EVC2: variants seen among roughly 807,000 people sequenced by gnomAD.
EVC2 encodes EvC ciliary complex subunit 2.
A neutral mutation model predicts 149.3 loss-of-function variants in EVC2; 148 were observed. The observed-to-expected ratio is 0.99, with a 90% CI of 0.87 to 1.14. EVC2 has a LOEUF of 1.14. EVC2 is among the 50% of genes most tolerant of loss of function. The pLI, the probability that EVC2 is intolerant of heterozygous loss-of-function variation, is 0.00. For missense variants in EVC2, 1,854 were observed against 1,627.3 expected (o/e 1.14, Z -2.40); for synonymous variants, 776 against 649.9 (o/e 1.19, Z -2.95).
intron 16 of EVC2, among the ~76,000 whole-genome samples, chr4:5,610,668 C>T (rs1170859943): frequency 2.0e-5 from 3 of 152,164 alleles, no homozygotes; most frequent in African/African-American, 7.2e-5. Flanking sequence ...ACCTCCCCAT[C>T]CCTTGAAGGC....
chr4:5,529,475 G>C, the EVC2 span, among the ~76,000 whole-genome samples: 1 of 152,276 alleles, frequency 6.6e-6, no homozygotes, highest in East Asian at 1.9e-4. The surrounding 1 kb of genome is among the most constrained non-coding windows in gnomAD (Gnocchi z 4.5). Flanking sequence ...ACCCAACTAT[G>C]AAGTTTTATA....
At chr4:5,579,993 C>T (rs1395085999) in intron 17 of EVC2, among the ~76,000 whole-genome samples, 2 of 152,230 alleles carry the variant, frequency 1.3e-5, no homozygotes, top group African/African-American at 4.8e-5. Flanking sequence ...ATTTGCCTAT[C>T]ATTGTCACTT....
the EVC2 span, among the ~76,000 whole-genome samples, chr4:5,537,625 G>C: frequency 6.6e-6 from 1 of 152,104 alleles, no homozygotes; most frequent in African/African-American, 2.4e-5. Context: ...ATAGTTACAA[G>C]AATACAAAGT....
At chr4:5,591,431 C>T (rs1295790917) in intron 16 of EVC2, among the ~76,000 whole-genome samples, 1 of 151,922 alleles carries the variant, frequency 6.6e-6, no homozygotes. Flanking sequence ...AGGGTTTTCA[C>T]GTTATCCTTG....
At chr4:5,671,770 A>G (rs1719665991) in intron 7 of EVC2, among the ~76,000 whole-genome samples, 1 of 152,204 alleles carries the variant, frequency 6.6e-6, no homozygotes, top group Non-Finnish European at 1.5e-5. Flanking sequence ...TCGGCCTCCC[A>G]AAGTGTTGGG....
Position 5,584,783 on chromosome 4 carries a change from G to A in EVC2, c.2897C>T (p.Ser966Leu), listed in dbSNP as rs145425340. 154 of 1,614,146 alleles carry A rather than the reference G, an allele frequency of 9.5e-5. 1 individual carries two copies. The African/African-American group carries it at 1.7e-3, about 18-fold the overall frequency. ...MEAQEGGFAQSLVALQFQKAS... is the reference protein window; with the variant it reads ...MEAQEGGFAQLLVALQFQKAS... ...CTTCTGGAACTGCAGAGCAACAAGC[G>A]ACTGTGCAAAGCCTCCCTCCTGTGC... The change falls in exon 17 of 22, where the codon TCG (serine) becomes TTG (leucine). Residue 966 changes from serine (S) to leucine (L), a missense_variant. Transcript: ENST00000344408.
At position 5,701,474 on chromosome 4, in the gene EVC2, G is replaced by C. The variant is rs143210167; in HGVS notation, c.229-3827C>G. Among the ~76,000 whole-genome samples the C allele has an allele frequency of 3.3e-3, 506 of 152,122 alleles. 4 individuals are homozygous for C. The highest frequency in any genetic ancestry group is 0.012 in the African/African-American group (479 of 41,502). Reference sequence around the variant, plus strand: ...GAAATGCTCTCCACCCTTGACCTTCGGGTCACATTCCTGGTTCCCTTTTAC... The same window carrying C: ...GAAATGCTCTCCACCCTTGACCTTCCGGTCACATTCCTGGTTCCCTTTTAC... On this transcript the variant is annotated intron_variant, in intron 1 of 21. Coordinates refer to ENST00000344408, the MANE Select transcript of EVC2 (RefSeq NM_147127.5).
chr4:5,577,976 C>G (rs1723035593), intron 17 of EVC2, among the ~76,000 whole-genome samples: 1 of 152,154 alleles, frequency 6.6e-6, no homozygotes, highest in Non-Finnish European at 1.5e-5. Context: ...TCTGTGTCAT[C>G]AGAGGAACGG....
At chr4:5,556,275 T>G (rs184357067) in intron 21 of EVC2, among the ~76,000 whole-genome samples, 2 of 137,076 alleles carry the variant, frequency 1.5e-5, no homozygotes, top group Admixed American at 1.4e-4. Flanking sequence ...AAACTAGAAA[T>G]CAATAAAGGG....
intron 7 of EVC2, among the ~76,000 whole-genome samples, chr4:5,678,710 G>A (rs1229551354): frequency 1.3e-5 from 2 of 152,180 alleles, no homozygotes; most frequent in Non-Finnish European, 2.9e-5. Flanking sequence ...GTAGGTAACT[G>A]TAACACGTAC....
chr4:5,568,523 C>T lies in EVC2; in HGVS notation c.3478G>A (p.Asp1160Asn), dbSNP rs750271891. 3 of 1,592,452 alleles carry T rather than the reference C, an allele frequency of 1.9e-6. No individual in the cohort carries two copies. Among genetic ancestry groups the T allele is most frequent in the Non-Finnish European group, 2.6e-6 (3 of 1,175,310 alleles). The stretch of plus-strand genomic sequence containing the variant: ...TCCACATGTCTCTCGGTGGCCGAAT[C>T]CAGCAGGGCCAGCAGCTGAGGCTGT... ...ASQPQLLALL[D>N]SATERHVDHA... The change falls in exon 20 of 22, where the codon GAT becomes AAT. Residue 1160 changes from aspartate (D) to asparagine (N), a missense_variant. Physicochemically the swap from Asp to Asn is conservative, Grantham distance 23. Coordinates refer to ENST00000344408, the MANE Select transcript of EVC2 (RefSeq NM_147127.5).
intron 19 of EVC2, 103 bp downstream of exon 19, chr4:5,574,582 C>T: frequency 8.2e-7 from 1 of 1,226,910 alleles, no homozygotes; most frequent in Non-Finnish European, 1.2e-6. Flanking sequence ...CCAAGGCTGG[C>T]TTTTCATCAC....
chr4:5,551,650 T>A (rs999498691), intron 21 of EVC2, among the ~76,000 whole-genome samples: 1 of 152,146 alleles, frequency 6.6e-6, no homozygotes, highest in Non-Finnish European at 1.5e-5. Context: ...GAAGGCATGA[T>A]TGATTTTGAA....
At chr4:5,697,569 A>T (rs2151739491) in intron 2 of EVC2, 24 bp downstream of exon 2, 2 of 1,613,526 alleles carry the variant, frequency 1.2e-6, no homozygotes, top group East Asian at 2.2e-5. Flanking sequence ...AAACAGGGGA[A>T]CATCAACCAG....
intron 5 of EVC2, among the ~76,000 whole-genome samples, chr4:5,687,794 A>T (rs1720826383): frequency 6.6e-6 from 1 of 151,868 alleles, no homozygotes; most frequent in Non-Finnish European, 1.5e-5. Flanking sequence ...GAGATGAGAG[A>T]CGTGCAGGAC....
At chr4:5,578,956 G>A (rs1243124423) in intron 17 of EVC2, among the ~76,000 whole-genome samples, 1 of 152,152 alleles carries the variant, frequency 6.6e-6, no homozygotes, top group African/African-American at 2.4e-5. Context: ...AGGTAGAGCA[G>A]AAGCATTCTA....
At chr4:5,546,565 T>C (rs1218978341) in intron 21 of EVC2, among the ~76,000 whole-genome samples, 2 of 150,232 alleles carry the variant, frequency 1.3e-5, no homozygotes, top group East Asian at 2.0e-4. Context: ...GGGACCATTG[T>C]GGGGTGGGGG....
At chr4:5,707,051 CA>C (rs1196512102) in intron 1 of EVC2, among the ~76,000 whole-genome samples, 1 of 152,144 alleles carries the variant, frequency 6.6e-6, no homozygotes, top group Non-Finnish European at 1.5e-5. Context: ...AGAGCTTGTG[CA>C]AAGCAGGTGA....
rs544632500 is a variant in EVC2, at chr4:5,568,471, G to A, written c.3530C>T (p.Ala1177Val). ...CCGCCTGCCCACGTCGGCCTGCTCC[G>A]CTCCGCCATCGCTCTCAGCTGCGTG... ...VDHAAESDGG[A>V]EQADVGRRRK... Residue 1177 changes from alanine to valine, a missense_variant, in exon 20 of 22, where the codon GCG (alanine) becomes GTG (valine). Coordinates refer to ENST00000344408, the MANE Select transcript of EVC2 (RefSeq NM_147127.5). The A allele has an allele frequency of 9.5e-6, 15 of 1,573,114 alleles. No homozygotes were observed. In the East Asian group the frequency reaches 1.4e-4, roughly 14 times the overall value.
Sources: gnomAD v4.1 joint callset for allele counts (sites outside exome capture counted in the v4.1 genomes callset) on GRCh38, gnomAD v4.1.1 for gene constraint, Gnocchi (gnomAD v3.1) non-coding constraint, MANE v1.5 for transcripts, NCBI Gene and HGNC (gene_info 2026-07-23, HGNC 2026-07-21) for gene names.